SPAG16: variants seen among roughly 807,000 people sequenced by gnomAD.
SPAG16 encodes the protein sperm associated antigen 16, also known as sperm-associated antigen 16 protein.
Under a neutral mutation model 80.4 loss-of-function variants are expected in SPAG16, and 86 were observed. The observed-to-expected ratio is 1.07, with a 90% CI of 0.90 to 1.28. The LOEUF (loss-of-function observed/expected upper bound fraction) is 1.28. Ranked by LOEUF, SPAG16 falls within the 50% of genes most tolerant of loss-of-function variation. SPAG16 has a pLI of 0.00. For synonymous variants in SPAG16, 294 were observed against 265.9 expected, an observed-to-expected ratio of 1.11 and a Z score of -1.03; for missense variants, 870 against 765.3, an observed-to-expected ratio of 1.14 and a Z score of -1.61.
intron 10 of SPAG16, among the ~76,000 whole-genome samples, chr2:213,665,219 G>A (rs1042555365): frequency 6.6e-6 from 1 of 152,074 alleles, no homozygotes; most frequent in Non-Finnish European, 1.5e-5. Context: ...AGGAGCACAT[G>A]TTATGTTTAT....
intron 15 of SPAG16, among the ~76,000 whole-genome samples, chr2:214,158,759 C>T (rs964908176): frequency 4.6e-5 from 7 of 151,836 alleles, no homozygotes; most frequent in Admixed American, 2.6e-4. Context: ...ATAATTGGAA[C>T]GCTATAGGTA....
At chr2:214,314,532 C>G (rs971972531) in intron 15 of SPAG16, among the ~76,000 whole-genome samples, 1 of 152,064 alleles carries the variant, frequency 6.6e-6, no homozygotes, top group African/African-American at 2.4e-5. Flanking sequence ...TGAATCCCAC[C>G]CTTATCACTC....
chr2:214,020,314 G>T (rs2047797687), intron 13 of SPAG16, among the ~76,000 whole-genome samples: 1 of 151,946 alleles, frequency 6.6e-6, no homozygotes, highest in African/African-American at 2.4e-5. Context: ...AATGTTTTAA[G>T]CAATTACTAC....
chr2:214,148,238 C>T (rs2055760270), intron 14 of SPAG16, among the ~76,000 whole-genome samples: 2 of 152,116 alleles, frequency 1.3e-5, no homozygotes, highest in African/African-American at 4.8e-5. Context: ...CCCTCTTATT[C>T]ACCAGCATAT....
At chr2:214,401,740 C>A (rs1247197500) in intron 15 of SPAG16, among the ~76,000 whole-genome samples, 1 of 151,996 alleles carries the variant, frequency 6.6e-6, no homozygotes, top group South Asian at 2.1e-4. Context: ...GACACTATTA[C>A]TGACTATATA....
At chr2:213,703,694 C>T (rs898077685) in intron 10 of SPAG16, among the ~76,000 whole-genome samples, 4 of 152,266 alleles carry the variant, frequency 2.6e-5, no homozygotes, top group South Asian at 2.1e-4. Flanking sequence ...TCAGCTTGAG[C>T]GGAGGTCATG....
At chr2:214,338,070 G>C (rs1334514601) in intron 15 of SPAG16, among the ~76,000 whole-genome samples, 1 of 152,042 alleles carries the variant, frequency 6.6e-6, no homozygotes, top group Admixed American at 6.5e-5. Flanking sequence ...ATTATATATA[G>C]GTGAAACCCA....
chr2:214,069,593 C>T (rs2050690255), intron 13 of SPAG16, among the ~76,000 whole-genome samples: 2 of 152,062 alleles, frequency 1.3e-5, no homozygotes, highest in Admixed American at 6.6e-5. Flanking sequence ...ACCCTCATTC[C>T]AGTGCCAACC....
chr2:213,529,065 T>C (rs1032134202), intron 10 of SPAG16, among the ~76,000 whole-genome samples: 2 of 152,186 alleles, frequency 1.3e-5, no homozygotes, highest in Non-Finnish European at 2.9e-5. Context: ...GCTGATAATA[T>C]TTCTTTGTAG....
intron 15 of SPAG16, among the ~76,000 whole-genome samples, chr2:214,176,576 T>TA (rs2057088397): frequency 6.6e-6 from 1 of 151,428 alleles, no homozygotes; most frequent in African/African-American, 2.4e-5. Flanking sequence ...TTTTTAAAGG[T>TA]AAGCTAACAA....
intron 10 of SPAG16, among the ~76,000 whole-genome samples, chr2:213,571,978 T>C (rs1373300580): frequency 7.8e-6 from 1 of 128,360 alleles, no homozygotes; most frequent in Non-Finnish European, 1.6e-5. Context: ...CTCGCTTCAT[T>C]TCATTCATTT....
At position 214,070,629 on chromosome 2, in the gene SPAG16, C is replaced by A. The variant is rs569787389; in HGVS notation, c.1528-37567C>A. 1.1e-4 allele frequency among the ~76,000 whole-genome samples: 16 copies of A among 151,780 alleles called. No homozygotes were observed. The East Asian group carries it at 1.2e-3, about 11-fold the overall frequency. On this transcript the variant is annotated intron_variant, in intron 13 of 15. Transcript: ENST00000331683. ...TCACCTAGTAAGTATTGTTTTTTGT[C>A]TTTTTAGCATCAAATGAGCTGATCA...
chr2:213,396,316 C>T (rs145678355), intron 9 of SPAG16, among the ~76,000 whole-genome samples: 129 of 152,192 alleles, frequency 8.5e-4, no homozygotes, highest in African/African-American at 2.7e-3. Context: ...TCTTTCAATG[C>T]GTGAATGAAC....
At chr2:213,935,018 C>T (rs557077757) in intron 12 of SPAG16, among the ~76,000 whole-genome samples, 16 of 151,798 alleles carry the variant, frequency 1.1e-4, no homozygotes, top group East Asian at 3.9e-4. Context: ...CTGGCTAACA[C>T]GGTGAAACCC....
chr2:213,919,648 G>T (rs1273232822), intron 11 of SPAG16, among the ~76,000 whole-genome samples: 1 of 152,166 alleles, frequency 6.6e-6, no homozygotes, highest in Non-Finnish European at 1.5e-5. Context: ...GTGCTGTGAT[G>T]CAAGAGAGTA....
chr2:214,001,212 T>C (rs185459650), intron 12 of SPAG16, among the ~76,000 whole-genome samples: 2 of 152,334 alleles, frequency 1.3e-5, no homozygotes, highest in East Asian at 3.9e-4. Context: ...AATGAAGTTA[T>C]TCCCAAGCAT....
chr2:213,545,163 A>G (rs911484497), intron 10 of SPAG16, among the ~76,000 whole-genome samples: 1 of 152,132 alleles, frequency 6.6e-6, no homozygotes, highest in African/African-American at 2.4e-5. Context: ...TGGTCATTCT[A>G]ACATGTGTTT....
Position 213,748,021 on chromosome 2 carries a change from ACCCTTGT to A in SPAG16, c.1071-114462_1071-114456del, listed in dbSNP as rs535975267. ...AAGTTGGACGATTATTGTTAATAAT[ACCCTTGT>A]CTTTAAAAAAGTTATTGACTTAATC... On this transcript the variant is annotated intron_variant, in intron 10 of 15. Coordinates refer to ENST00000331683, the MANE Select transcript of SPAG16 (RefSeq NM_024532.5). Among the ~76,000 whole-genome samples the A allele has an allele frequency of 1.5e-3, 228 of 152,332 alleles. 4 individuals are homozygous for A. Among genetic ancestry groups the A allele is most frequent in the South Asian group, 0.011 (51 of 4,830 alleles).
At chr2:213,965,391 G>A (rs1369941296) in intron 12 of SPAG16, among the ~76,000 whole-genome samples, 3 of 149,670 alleles carry the variant, frequency 2.0e-5, no homozygotes, top group Non-Finnish European at 4.4e-5. Context: ...TGGTTGGTCT[G>A]TCTCTCTTGC....
Sources: allele counts gnomAD v4.1 joint callset (sites outside exome capture counted in the v4.1 genomes callset), GRCh38; gene constraint gnomAD v4.1.1; transcripts MANE v1.5; gene names NCBI Gene and HGNC (gene_info 2026-07-23, HGNC 2026-07-21).